Variants in PACRGL observed in about 807,000 individuals in gnomAD.
PACRGL encodes the protein parkin coregulated like, also known as PACRG-like protein.
Under a neutral mutation model 34.5 loss-of-function variants are expected in PACRGL, and 38 were observed. The observed-to-expected ratio is 1.10, with a 90% CI of 0.85 to 1.44. The LOEUF (loss-of-function observed/expected upper bound fraction) is 1.44, where lower values mean the gene tolerates loss of function less well. Among genes scored for constraint, PACRGL ranks in the 40% most tolerant of loss-of-function variants. The pLI, the probability that PACRGL is intolerant of heterozygous loss-of-function variation, is 0.00. For synonymous variants in PACRGL, 128 were observed against 100.1 expected (o/e 1.28, Z -1.66); for missense variants, 305 against 281.4 (o/e 1.08, Z -0.60).
intron 8 of PACRGL, among the ~76,000 whole-genome samples, chr4:20,738,167 A>T (rs1176317393): frequency 6.6e-6 from 1 of 152,148 alleles, no homozygotes; most frequent in Non-Finnish European, 1.5e-5. Flanking sequence ...TTCAGAAGGC[A>T]TAAAATATAC....
chr4:20,722,053 G>T (rs1393595200), intron 7 of PACRGL, among the ~76,000 whole-genome samples: 1 of 152,224 alleles, frequency 6.6e-6, no homozygotes, highest in African/African-American at 2.4e-5. Flanking sequence ...CCTTGCTGCC[G>T]CCTTGCAGTT....
chr4:20,709,825 C>G, intron 5 of PACRGL, 52 bp downstream of exon 5: 2 of 1,414,650 alleles, frequency 1.4e-6, no homozygotes, highest in Non-Finnish European at 2.0e-6. Context: ...TTAAAAATTG[C>G]ATTAAATGCT....
Position 20,730,150 on chromosome 4 carries a change from G to T in PACRGL, c.*2809G>T, listed in dbSNP as rs1747630037. 2 of 1,594,574 alleles carry T rather than the reference G, an allele frequency of 1.3e-6. No homozygotes were observed. Among genetic ancestry groups the T allele is most frequent in the Non-Finnish European group, 1.7e-6 (2 of 1,172,036 alleles). ...TCATCCTGTAAGGGAGAAACACAGA[G>T]CGATTAAATTCAGCATATCTGCAAG... On this transcript the variant is annotated 3_prime_UTR_variant, in exon 9 of 9. Transcript: ENST00000503585.
intron 7 of PACRGL, chr4:20,716,209 T>A: frequency 4.3e-6 from 4 of 921,938 alleles, no homozygotes; most frequent in Non-Finnish European, 6.8e-6. Flanking sequence ...TGTTATGGTT[T>A]CTTACAACAC....
chr4:20,760,035 T>C, the PACRGL span, among the ~76,000 whole-genome samples: 2 of 152,160 alleles, frequency 1.3e-5, no homozygotes, highest in Non-Finnish European at 2.9e-5. Context: ...ATGCTGAAGC[T>C]GCAAATTCAG....
In PACRGL at chr4:20,732,557, A is replaced by G. The variant is rs1748579634; in HGVS notation, c.*5216A>G. The G allele has an allele frequency of 3.2e-5, 22 of 691,528 alleles. 1 individual carries two copies. In the South Asian group the frequency reaches 3.4e-4, roughly 11 times the overall value. 42.8% of individuals were successfully genotyped at this position (691,528 alleles called of 1,614,324 possible). On this transcript the variant is annotated 3_prime_UTR_variant, in exon 9 of 9. Coordinates refer to ENST00000503585, the MANE Select transcript of PACRGL (RefSeq NM_001258345.3). ...AGCTATTAAATTAATAGGATGCTAA[A>G]TACTGTTTTGTTTCAGTAAAAATTA...
At position 20,727,541 on chromosome 4, in the gene PACRGL, TAA is replaced by T. The variant is rs1375377442; in HGVS notation, c.*201_*202del. The T allele has an allele frequency of 1.0e-5, 5 of 477,264 alleles. No individual in the cohort carries two copies. The Admixed American group carries it at 1.4e-4, about 13-fold the overall frequency. 29.6% of individuals were successfully genotyped at this position (477,264 alleles called of 1,614,324 possible). ...TGGAAAGTTATTAAAATAAGTTCTA[TAA>T]GAGTACAATTTTGAGGTTTATTTTT... On this transcript the variant is annotated 3_prime_UTR_variant, in exon 9 of 9. Coordinates refer to ENST00000503585, the MANE Select transcript of PACRGL (RefSeq NM_001258345.3).
rs915769147 is a variant in PACRGL, at chr4:20,729,075, G to C, written c.*1734G>C. ...ATTTTGCTTGCTAATTTTGCTTGCT[G>C]TTTGTTCTTAGTAGACAGTGGGGTA... On this transcript the variant is annotated 3_prime_UTR_variant, in exon 9 of 9. Transcript: ENST00000503585. The C allele has an allele frequency of 1.3e-5, 2 of 151,026 alleles. No homozygotes were observed. The highest frequency in any genetic ancestry group is 3.0e-5 in the Non-Finnish European group (2 of 67,772). The allele number at this position is 151,026 out of a possible 1,614,324, so 9.4% of individuals were successfully genotyped here. A position where few individuals can be genotyped will look rare whatever the true frequency, so the allele number is the denominator to read the frequency against.
chr4:20,725,461 CTGTA>C lies in PACRGL; in HGVS notation c.690+576_690+579del, dbSNP rs560513264. 1.9e-3 allele frequency among the ~76,000 whole-genome samples: 291 copies of C among 152,198 alleles called. 2 individuals are homozygous for C. The highest frequency in any genetic ancestry group is 2.3e-3 in the Non-Finnish European group (158 of 68,014). The stretch of plus-strand genomic sequence containing the variant: ...TACAAAAATATGGAGGATTTCATAA[CTGTA>C]TGGTGTCAGATTACTAGACTAATTG... On this transcript the variant is annotated intron_variant, in intron 8 of 8. Transcript: ENST00000503585.
chr4:20,716,040 A>G (rs1209620881), intron 7 of PACRGL: 1 of 1,429,304 alleles, frequency 7.0e-7, no homozygotes, highest in Non-Finnish European at 9.3e-7. Flanking sequence ...GAATCTGTAA[A>G]TTGCATTCAG....
chr4:20,718,921 G>T (rs1741535479), intron 7 of PACRGL: 2 of 152,170 alleles, frequency 1.3e-5, no homozygotes, highest in African/African-American at 2.4e-5. Flanking sequence ...GCTCCTCCTT[G>T]TACCTCTGGT....
intron 8 of PACRGL, among the ~76,000 whole-genome samples, chr4:20,726,511 A>G (rs1351273357): frequency 6.6e-6 from 1 of 152,112 alleles, no homozygotes; most frequent in Admixed American, 6.6e-5. Context: ...TTATTGTGCT[A>G]ATTTCTGTTA....
At chr4:20,758,779 G>T in the PACRGL span, 1 of 1,470,532 alleles carries the variant, frequency 6.8e-7, no homozygotes, top group Non-Finnish European at 9.5e-7. Flanking sequence ...AAGCATAATT[G>T]TAACTCTGAT....
chr4:20,740,208 A>G (rs1042083806), intron 8 of PACRGL, among the ~76,000 whole-genome samples: 17 of 152,164 alleles, frequency 1.1e-4, no homozygotes, highest in African/African-American at 4.1e-4. Flanking sequence ...AGTCAGGCCA[A>G]CATTCAAATT....
rs781257823 is a variant in PACRGL at position 20,713,559 on chromosome 4, G to A, written c.609+20G>A. Reference sequence around the variant, plus strand: ...ACAAGCGTAAGTACTGCAAAGATTAGATAATGATTGACTGTATGTATCATG... The same window carrying A: ...ACAAGCGTAAGTACTGCAAAGATTAAATAATGATTGACTGTATGTATCATG... On this transcript the variant is annotated intron_variant, in intron 7 of 8. Transcript: ENST00000503585. 7 of 1,549,528 alleles carry A rather than the reference G, an allele frequency of 4.5e-6. No homozygotes were observed. In the African/African-American group the frequency reaches 6.8e-5, roughly 15 times the overall value.
At chr4:20,736,088 G>C (rs1205522449), downstream of PACRGL, among the ~76,000 whole-genome samples, 5 of 152,098 alleles carry the variant, frequency 3.3e-5, no homozygotes, top group Non-Finnish European at 7.4e-5. Context: ...AAGCTGCCTG[G>C]TGAAAAATCT....
At position 20,727,445 on chromosome 4, in the gene PACRGL, ATTAT is replaced by A. The variant is rs1746246956; in HGVS notation, c.*108_*111del. On this transcript the variant is annotated 3_prime_UTR_variant, in exon 9 of 9. Coordinates refer to ENST00000503585, the MANE Select transcript of PACRGL (RefSeq NM_001258345.3). The stretch of plus-strand genomic sequence containing the variant: ...CTTTTGTAAATCACAGCCACCATTC[ATTAT>A]TTACTAGGTTAAGATGAATAGACAC... 1.1e-6 allele frequency: 1 copy of A among 922,272 alleles called. No individual in the cohort carries two copies. Among genetic ancestry groups the A allele is most frequent in the African/African-American group, 1.6e-5 (1 of 61,482 alleles). The allele number at this position is 922,272 out of a possible 1,614,324, so 57.1% of individuals were successfully genotyped here. A position where few individuals can be genotyped will look rare whatever the true frequency, so the allele number is the denominator to read the frequency against.
rs558872339 is a variant in PACRGL, at chr4:20,700,525, G to A, written c.-279G>A. 1.3e-5 allele frequency: 2 copies of A among 151,734 alleles called. No individual in the cohort carries two copies. Among genetic ancestry groups the A allele is most frequent in the African/African-American group, 2.4e-5 (1 of 41,326 alleles). 9.4% of individuals were successfully genotyped at this position (151,734 alleles called of 1,614,324 possible). A position where few individuals can be genotyped will look rare whatever the true frequency, so the allele number is the denominator to read the frequency against. ...TTGGCCGACCGAGTGCCGGTCATAA[G>A]CCCCCCCCGGTGGGGGGCAGCTGGT... On this transcript the variant is annotated 5_prime_UTR_variant, in exon 1 of 9. Transcript: ENST00000503585.
In PACRGL at chr4:20,738,071, A is replaced by C. The variant is rs944918491; in HGVS notation, c.*56+10674A>C. The stretch of plus-strand genomic sequence containing the variant: ...CTTGAGCCCAGAAGGTCGAGGCTAC[A>C]GTGAACTATGATTGCACCACTGTGC... On this transcript the variant is annotated intron_variant, in intron 8 of 8. Coordinates refer to the PACRGL transcript ENST00000507634. 2.8e-4 allele frequency among the ~76,000 whole-genome samples: 42 copies of C among 152,094 alleles called. 1 individual carries two copies. Among genetic ancestry groups the C allele is most frequent in the Admixed American group, 7.2e-4 (11 of 15,264 alleles).
Sources: allele counts gnomAD v4.1 joint callset (sites outside exome capture counted in the v4.1 genomes callset), GRCh38; gene constraint gnomAD v4.1.1; transcripts MANE v1.5; gene names NCBI Gene and HGNC (gene_info 2026-07-23, HGNC 2026-07-21).